MTA3: variants seen among roughly 807,000 people sequenced by gnomAD.
MTA3 encodes metastasis associated 1 family member 3.
A neutral mutation model predicts 83.5 loss-of-function variants in MTA3; 34 were observed. That is an observed-to-expected ratio of 0.41 (90% CI 0.31 to 0.54). MTA3 has a LOEUF of 0.54. MTA3 is among the 20% of genes least tolerant of loss of function. The pLI is 0.33. For synonymous variants in MTA3, 303 were observed against 252.7 expected, an observed-to-expected ratio of 1.20 and a Z score of -1.89; for missense variants, 761 against 726.4, an observed-to-expected ratio of 1.05 and a Z score of -0.55.
chr2:42,578,609 C>G (rs1679297917), intron 2 of MTA3, among the ~76,000 whole-genome samples: 1 of 152,182 alleles, frequency 6.6e-6, no homozygotes, highest in Non-Finnish European at 1.5e-5. Context: ...GCTTCACTGT[C>G]CATGGAACAT....
At chr2:42,514,316 A>G (rs908257349) in intron 2 of MTA3, among the ~76,000 whole-genome samples, 1 of 152,208 alleles carries the variant, frequency 6.6e-6, no homozygotes, top group Non-Finnish European at 1.5e-5. Context: ...CTCACTATTT[A>G]TATGATGCTT....
At chr2:42,676,601 A>G (rs1045140723) in intron 8 of MTA3, among the ~76,000 whole-genome samples, 1 of 152,158 alleles carries the variant, frequency 6.6e-6, no homozygotes, top group African/African-American at 2.4e-5. Flanking sequence ...CCCTGTCTCT[A>G]CTGAAAATAC....
intron 4 of MTA3, among the ~76,000 whole-genome samples, chr2:42,613,488 G>A (rs115151407): frequency 0.012 from 1,788 of 152,344 alleles, 17 homozygotes; most frequent in Non-Finnish European, 0.019. Flanking sequence ...TAGAACAAGT[G>A]CACATTGGAG....
chr2:42,721,832 G>A (rs1221229820), intron 15 of MTA3, among the ~76,000 whole-genome samples: 2 of 152,156 alleles, frequency 1.3e-5, no homozygotes, highest in Non-Finnish European at 2.9e-5. Flanking sequence ...TGGTCTAGAT[G>A]GAGCATAGAC....
chr2:42,550,117 G>A (rs1489812148), intron 2 of MTA3, among the ~76,000 whole-genome samples: 1 of 151,830 alleles, frequency 6.6e-6, no homozygotes, highest in African/African-American at 2.4e-5. Flanking sequence ...AGCTTACTAA[G>A]GAAAGAAAAA....
At chr2:42,552,934 C>T (rs991998369) in intron 2 of MTA3, among the ~76,000 whole-genome samples, 4 of 148,214 alleles carry the variant, frequency 2.7e-5, no homozygotes, top group Middle Eastern at 3.5e-3. Context: ...TGGGCGACAC[C>T]GCAAGACTCC....
chr2:42,526,696 G>A (rs1399331201), intron 2 of MTA3, among the ~76,000 whole-genome samples: 2 of 152,074 alleles, frequency 1.3e-5, no homozygotes, highest in East Asian at 3.9e-4. Flanking sequence ...ACAACAGGGT[G>A]AATAAAAGTG....
intron 2 of MTA3, among the ~76,000 whole-genome samples, chr2:42,573,509 G>C (rs1463754568): frequency 6.6e-6 from 1 of 151,798 alleles, no homozygotes; most frequent in Non-Finnish European, 1.5e-5. Context: ...ACCATACCTG[G>C]CTAATTTTTT....
chr2:42,681,566 G>A (rs1322313057), intron 8 of MTA3, among the ~76,000 whole-genome samples: 1 of 152,154 alleles, frequency 6.6e-6, no homozygotes, highest in African/African-American at 2.4e-5. Flanking sequence ...AGGCTGGAGT[G>A]CAGTGGCACA....
At chr2:42,517,787 G>T (rs1213203079) in intron 2 of MTA3, among the ~76,000 whole-genome samples, 1 of 146,632 alleles carries the variant, frequency 6.8e-6, no homozygotes, top group East Asian at 2.0e-4. Flanking sequence ...ACTGAGGCAG[G>T]AGAATTGCTT....
intron 3 of MTA3, among the ~76,000 whole-genome samples, chr2:42,603,179 G>A (rs544521919): frequency 6.6e-6 from 1 of 151,760 alleles, no homozygotes; most frequent in African/African-American, 2.4e-5. Context: ...CATGTGGCAA[G>A]GCAGATTGTT....
At chr2:42,584,690 C>G (rs1057148670) in intron 3 of MTA3, among the ~76,000 whole-genome samples, 1 of 151,924 alleles carries the variant, frequency 6.6e-6, no homozygotes, top group African/African-American at 2.4e-5. Context: ...CAGGAATACC[C>G]CATTTTAACA....
chr2:42,538,116 C>T (rs1392221114), intron 2 of MTA3, among the ~76,000 whole-genome samples: 1 of 151,950 alleles, frequency 6.6e-6, no homozygotes, highest in East Asian at 1.9e-4. Flanking sequence ...ACCTGTAGTC[C>T]CAGCTACTCA....
intron 9 of MTA3, among the ~76,000 whole-genome samples, chr2:42,684,642 G>A (rs1189008674): frequency 1.3e-5 from 2 of 152,192 alleles, no homozygotes; most frequent in Non-Finnish European, 2.9e-5. Flanking sequence ...AATCTACACT[G>A]TGAGGCTCAA....
intron 3 of MTA3, among the ~76,000 whole-genome samples, chr2:42,583,343 A>G (rs1679881538): frequency 6.6e-6 from 1 of 152,176 alleles, no homozygotes; most frequent in African/African-American, 2.4e-5. Flanking sequence ...TTCTGTTGGT[A>G]TTGACTAAAA....
intron 16 of MTA3, among the ~76,000 whole-genome samples, chr2:42,749,792 G>A (rs114267413): frequency 1.9e-3 from 290 of 151,866 alleles, no homozygotes; most frequent in African/African-American, 6.6e-3. Flanking sequence ...TTTATATTTC[G>A]TCCAGAGTTT....
chr2:42,546,735 C>G (rs12986795), intron 2 of MTA3, among the ~76,000 whole-genome samples: 1 of 151,932 alleles, frequency 6.6e-6, no homozygotes, highest in Non-Finnish European at 1.5e-5. Flanking sequence ...TTATTCCTTA[C>G]GCATGTTGCA....
At chr2:42,746,782 A>ACCTT (rs1257903924) in intron 16 of MTA3, among the ~76,000 whole-genome samples, 1 of 152,208 alleles carries the variant, frequency 6.6e-6, no homozygotes, top group Admixed American at 6.5e-5. Flanking sequence ...AGGGGTATGC[A>ACCTT]CCTTCCATGC....
At chr2:42,678,267 T>C (rs1370302744) in intron 8 of MTA3, among the ~76,000 whole-genome samples, 1 of 152,236 alleles carries the variant, frequency 6.6e-6, no homozygotes, top group Non-Finnish European at 1.5e-5. Flanking sequence ...GCCTTTGTTA[T>C]GATTATAACT....
Sources: allele counts gnomAD v4.1 joint callset (sites outside exome capture counted in the v4.1 genomes callset), GRCh38; gene constraint gnomAD v4.1.1; transcripts MANE v1.5; gene names NCBI Gene and HGNC (gene_info 2026-07-23, HGNC 2026-07-21).